The following TBC1D9 variants were observed in gnomAD, a reference collection of about 807,000 sequenced individuals.
TBC1D9 encodes TBC1 domain family member 9A.
In TBC1D9, 63 loss-of-function variants were observed where a neutral mutation model predicts 132.0. That is an observed-to-expected ratio of 0.48 (90% CI 0.39 to 0.59). The LOEUF (loss-of-function observed/expected upper bound fraction) is 0.59. Ranked by LOEUF, TBC1D9 falls within the 20% of genes least tolerant of loss-of-function variation. The pLI is 0.00. For missense variants in TBC1D9, 1,261 were observed against 1,592.7 expected (o/e 0.79, Z 3.54); for synonymous variants, 610 against 609.9 (o/e 1.00, Z 0.00).
At chr4:140,635,009 C>T (rs1037040283) in intron 15 of TBC1D9, among the ~76,000 whole-genome samples, 2 of 152,058 alleles carry the variant, frequency 1.3e-5, no homozygotes, top group South Asian at 2.1e-4. Flanking sequence ...AAAAAGCATG[C>T]GCTAGAAAGT....
chr4:140,746,141 T>C (rs1578865786), intron 1 of TBC1D9, among the ~76,000 whole-genome samples: 1 of 152,206 alleles, frequency 6.6e-6, no homozygotes, highest in South Asian at 2.1e-4. Flanking sequence ...CCATGTTTCA[T>C]CTCAAGGTTA....
chr4:140,753,969 A>C (rs1270901246), intron 1 of TBC1D9, among the ~76,000 whole-genome samples: 1 of 152,250 alleles, frequency 6.6e-6, no homozygotes, highest in Non-Finnish European at 1.5e-5. Context: ...TTGTTGTCAT[A>C]AATACTTTTA....
Position 140,628,332 on chromosome 4 carries a change from A to T in TBC1D9, c.2780T>A (p.Leu927His), listed in dbSNP as rs779126059. The T allele has an allele frequency of 6.2e-7, 1 of 1,613,940 alleles. No homozygotes were observed. The highest frequency in any genetic ancestry group is 1.7e-5 in the Admixed American group (1 of 60,026). ...AACHGDLTEKLKLLYKMHVLP... is the reference protein window; with the variant it reads ...AACHGDLTEKHKLLYKMHVLP... The stretch of plus-strand genomic sequence containing the variant: ...GACGTGCATTTTGTACAGGAGTTTG[A>T]GCTTCTCTGTGAGGTCCCCATGGCA... Residue 927 changes from leucine (L) to histidine (H), a missense_variant, in exon 17 of 21, where the codon CTC becomes CAC. By Grantham distance (99) the Leu-to-His change is moderately conservative. Transcript: ENST00000442267.
intron 3 of TBC1D9, among the ~76,000 whole-genome samples, chr4:140,683,916 A>C (rs550385683): frequency 1.3e-5 from 2 of 152,392 alleles, no homozygotes; most frequent in African/African-American, 2.4e-5. Flanking sequence ...AAAAGTATTA[A>C]CTGGATTTTT....
intron 3 of TBC1D9, among the ~76,000 whole-genome samples, chr4:140,684,598 C>T (rs562455096): frequency 6.6e-6 from 1 of 152,012 alleles, no homozygotes; most frequent in East Asian, 2.0e-4. Flanking sequence ...ACTTATTTCT[C>T]CTGGCTATTG....
At chr4:140,699,514 C>T (rs768733392) in intron 2 of TBC1D9, among the ~76,000 whole-genome samples, 4 of 152,158 alleles carry the variant, frequency 2.6e-5, no homozygotes, top group African/African-American at 9.7e-5. Context: ...CTGTGATCTT[C>T]CTCACAAAAA....
chr4:140,680,081 C>T (rs1345653587), intron 3 of TBC1D9, among the ~76,000 whole-genome samples: 1 of 152,050 alleles, frequency 6.6e-6, no homozygotes, highest in East Asian at 1.9e-4. Context: ...GTTAAGTTTA[C>T]TAGGAATGAA....
chr4:140,642,350 G>C, intron 13 of TBC1D9: 1 of 822,076 alleles, frequency 1.2e-6, no homozygotes, highest in Non-Finnish European at 2.1e-6. Flanking sequence ...TGGCTTTGGC[G>C]GCCCTTTTGT....
chr4:140,663,228 C>A (rs1737393745), intron 9 of TBC1D9, among the ~76,000 whole-genome samples: 1 of 152,050 alleles, frequency 6.6e-6, no homozygotes, highest in South Asian at 2.1e-4. Context: ...TTAAAATGGG[C>A]AAAGGAAATG....
At chr4:140,755,556 C>T (rs1277314640) in intron 1 of TBC1D9, among the ~76,000 whole-genome samples, 2 of 152,148 alleles carry the variant, frequency 1.3e-5, no homozygotes, top group African/African-American at 2.4e-5. Flanking sequence ...CTTCTTCCAT[C>T]CCTCTTTTCC....
chr4:140,724,529 G>T (rs1177343807), intron 1 of TBC1D9, among the ~76,000 whole-genome samples: 4 of 151,804 alleles, frequency 2.6e-5, no homozygotes, highest in Non-Finnish European at 5.9e-5. Flanking sequence ...AGTGGTGAAG[G>T]CTTTCTAACT....
intron 20 of TBC1D9, 100 bp downstream of exon 20, chr4:140,624,016 T>C: frequency 1.1e-6 from 1 of 940,372 alleles, no homozygotes; most frequent in Non-Finnish European, 1.6e-6. Context: ...CCAGTTATTA[T>C]TTTTGATGGG....
intron 1 of TBC1D9, among the ~76,000 whole-genome samples, chr4:140,729,767 C>T (rs1332205779): frequency 8.1e-6 from 1 of 122,710 alleles, no homozygotes; most frequent in Non-Finnish European, 1.6e-5. Flanking sequence ...TTGCAATGAG[C>T]CGAGATTGCA....
chr4:140,729,707 C>A (rs1738557140), intron 1 of TBC1D9, among the ~76,000 whole-genome samples: 1 of 149,790 alleles, frequency 6.7e-6, no homozygotes, highest in Admixed American at 6.7e-5. Flanking sequence ...GTAGTCCCAG[C>A]TACTCAGAAG....
At chr4:140,634,476 T>C (rs1192422522) in intron 15 of TBC1D9, among the ~76,000 whole-genome samples, 1 of 152,158 alleles carries the variant, frequency 6.6e-6, no homozygotes, top group African/African-American at 2.4e-5. Flanking sequence ...CCACATTCTC[T>C]TCCCCCTTAC....
intron 15 of TBC1D9, among the ~76,000 whole-genome samples, chr4:140,635,018 G>A (rs1736855723): frequency 6.6e-6 from 1 of 152,128 alleles, no homozygotes; most frequent in African/African-American, 2.4e-5. Context: ...GCGCTAGAAA[G>A]TTCTGAAAGA....
chr4:140,639,301 G>T (rs752457461), intron 14 of TBC1D9, 29 bp downstream of exon 14: 3 of 1,557,840 alleles, frequency 1.9e-6, no homozygotes, highest in African/African-American at 2.7e-5. Flanking sequence ...AGATGACAGA[G>T]GTTGCCTGCT....
intron 1 of TBC1D9, among the ~76,000 whole-genome samples, chr4:140,742,778 T>A (rs559431720): frequency 6.6e-6 from 1 of 152,084 alleles, no homozygotes; most frequent in South Asian, 2.1e-4. Flanking sequence ...TCCAGTCCTC[T>A]CCCTGGTGAT....
At chr4:140,752,566 T>A (rs74539572) in intron 1 of TBC1D9, among the ~76,000 whole-genome samples, 6 of 151,990 alleles carry the variant, frequency 3.9e-5, no homozygotes, top group Middle Eastern at 3.4e-3. Flanking sequence ...TATTTTTTTT[T>A]ATCCTGGTGT....
Sources: gnomAD v4.1 joint callset for allele counts (sites outside exome capture counted in the v4.1 genomes callset) on GRCh38, gnomAD v4.1.1 for gene constraint, MANE v1.5 for transcripts, NCBI Gene and HGNC (gene_info 2026-07-23, HGNC 2026-07-21) for gene names.